The following NIPA2 variants were observed in gnomAD, a reference collection of about 807,000 sequenced individuals.
NIPA2 encodes the protein NIPA magnesium transporter 2.
In NIPA2, 11 loss-of-function variants were observed where a neutral mutation model predicts 29.7. The observed-to-expected ratio is 0.37, with a 90% CI of 0.23 to 0.61. The LOEUF is 0.61. Ranked by LOEUF, NIPA2 falls within the 20% of genes least tolerant of loss-of-function variation. NIPA2 has a pLI of 0.66. For synonymous variants in NIPA2, 183 were observed against 161.9 expected, an observed-to-expected ratio of 1.13 and a Z score of -0.99; for missense variants, 426 against 437.9, an observed-to-expected ratio of 0.97 and a Z score of 0.24.
intron 5 of NIPA2, among the ~76,000 whole-genome samples, chr15:22,857,454 AAG>A (rs1491070364): frequency 6.6e-6 from 1 of 151,426 alleles, no homozygotes; most frequent in Non-Finnish European, 1.5e-5. Flanking sequence ...AAAAAAAAAA[AAG>A]TTTTATCAGA....
intron 7 of NIPA2, among the ~76,000 whole-genome samples, chr15:22,862,368 G>A (rs1397135536): frequency 6.6e-6 from 1 of 152,064 alleles, no homozygotes; most frequent in East Asian, 1.9e-4. Context: ...ATTTATGTCT[G>A]ACTCTTGGGA....
At chr15:22,865,465 G>C (rs569111815) in intron 7 of NIPA2, among the ~76,000 whole-genome samples, 3 of 150,440 alleles carry the variant, frequency 2.0e-5, no homozygotes, top group Admixed American at 6.7e-5. Context: ...CAGCCTGGGC[G>C]ACAGAGCAAG....
At chr15:22,842,485 C>T (rs560734899) in intron 2 of NIPA2, among the ~76,000 whole-genome samples, 4 of 151,326 alleles carry the variant, frequency 2.6e-5, no homozygotes, top group Non-Finnish European at 5.9e-5. Context: ...GTCAGGAGAT[C>T]GAGACCATCC....
chr15:22,844,963 T>G (rs1364995116), intron 2 of NIPA2, among the ~76,000 whole-genome samples, 183 bp from the exon 3 acceptor site: 1 of 152,212 alleles, frequency 6.6e-6, no homozygotes, highest in South Asian at 2.1e-4. Flanking sequence ...GCTCAGTGTT[T>G]GTTGAGCAAT....
At chr15:22,853,295 A>C in intron 5 of NIPA2, 27 bp downstream of exon 5, 2 of 1,458,774 alleles carry the variant, frequency 1.4e-6, no homozygotes, top group Non-Finnish European at 9.6e-7. Context: ...TTGCAAGAAA[A>C]ATATGATAGC....
At chr15:22,863,272 CAG>C (rs2058746536) in intron 7 of NIPA2, among the ~76,000 whole-genome samples, 2 of 151,914 alleles carry the variant, frequency 1.3e-5, no homozygotes, top group South Asian at 2.1e-4. Context: ...TTGGTAGAGA[CAG>C]GGTTTTGTCA....
At chr15:22,843,703 T>G (rs1206151915) in intron 2 of NIPA2, among the ~76,000 whole-genome samples, 2 of 151,476 alleles carry the variant, frequency 1.3e-5, no homozygotes, top group Non-Finnish European at 2.9e-5. Flanking sequence ...CAGGCTGGAG[T>G]GCAGTGGTGC....
rs1321344933 is a variant in NIPA2, at chr15:22,860,841, T to A, written c.448+52T>A. ...CTGTATTTTACTTTTTAACTTAGTT[T>A]TTACTTTAATCGAAATTTGATGAGC... is the stretch of plus-strand genomic sequence containing the variant. On this transcript the variant is annotated intron_variant, in intron 7 of 7. Coordinates refer to ENST00000337451, the MANE Select transcript of NIPA2 (RefSeq NM_030922.7). 7 of 1,402,452 alleles carry A rather than the reference T, an allele frequency of 5.0e-6. No homozygotes were observed. The East Asian group carries it at 1.7e-4, about 34-fold the overall frequency. 86.9% of individuals were successfully genotyped at this position (1,402,452 alleles called of 1,614,324 possible).
intron 2 of NIPA2, among the ~76,000 whole-genome samples, chr15:22,842,706 G>C (rs1169367147): frequency 1.3e-5 from 2 of 152,266 alleles, no homozygotes; most frequent in African/African-American, 4.8e-5. Context: ...GCAGGCACCT[G>C]TAATCCCAGA....
At chr15:22,849,003 C>A (rs1595306840) in intron 3 of NIPA2, among the ~76,000 whole-genome samples, 2 of 152,156 alleles carry the variant, frequency 1.3e-5, no homozygotes, top group Admixed American at 1.3e-4. Flanking sequence ...CTGATAAACA[C>A]AGATCAACAA....
At chr15:22,841,922 TTCTC>T (rs1204616364) in intron 2 of NIPA2, among the ~76,000 whole-genome samples, 5 of 152,152 alleles carry the variant, frequency 3.3e-5, no homozygotes, top group Admixed American at 6.5e-5. Context: ...CTGCACTTGC[TTCTC>T]TCTCCTTTGT....
chr15:22,841,760 A>G (rs939500395), intron 2 of NIPA2, among the ~76,000 whole-genome samples: 4 of 149,638 alleles, frequency 2.7e-5, no homozygotes, highest in African/African-American at 9.9e-5. Flanking sequence ...ACCCGCCTCG[A>G]CCTCCCAAAG....
chr15:22,867,050 G>T lies in NIPA2; in HGVS notation c.*203G>T. ...CACTAAAATGACCTCAGCACATGAC[G>T]ATTTCTATTAACATTTTATTGTTGT... On this transcript the variant is annotated 3_prime_UTR_variant, in exon 8 of 8. Transcript: ENST00000337451. The T allele has an allele frequency of 3.8e-6, 2 of 523,450 alleles. No homozygotes were observed. The highest frequency in any genetic ancestry group is 3.4e-5 in the South Asian group (1 of 29,548). 32.4% of individuals were successfully genotyped at this position (523,450 alleles called of 1,614,324 possible).
In NIPA2 at chr15:22,838,685, C is replaced by G. The variant is rs1034902444; in HGVS notation, c.-588C>G. The G allele has an allele frequency of 1.3e-5, 2 of 152,472 alleles. No individual in the cohort carries two copies. The highest frequency in any genetic ancestry group is 2.4e-5 in the African/African-American group (1 of 41,444). The allele number at this position is 152,472 out of a possible 1,614,324, so 9.4% of individuals were successfully genotyped here. On this transcript the variant is annotated 5_prime_UTR_variant, in exon 1 of 8. Coordinates refer to ENST00000337451, the MANE Select transcript of NIPA2 (RefSeq NM_030922.7). ...GTTTTCCGGCGCCGGCCCTAGGTCC[C>G]GGCAGCGGTGGTGACGGCGGTGCCG...
intron 2 of NIPA2, among the ~76,000 whole-genome samples, chr15:22,841,543 T>C (rs564042484): frequency 2.6e-4 from 40 of 152,238 alleles, no homozygotes; most frequent in African/African-American, 8.9e-4. Flanking sequence ...AGTTTTGCTC[T>C]TGTTGCCCAG....
chr15:22,853,028 G>A (rs1321260052), intron 4 of NIPA2, among the ~76,000 whole-genome samples, 184 bp from the exon 5 acceptor site: 1 of 152,124 alleles, frequency 6.6e-6, no homozygotes, highest in Non-Finnish European at 1.5e-5. Context: ...GGGTATGCTT[G>A]TAAAGGATTC....
chr15:22,861,788 G>A (rs1262123700), intron 7 of NIPA2, among the ~76,000 whole-genome samples: 1 of 152,092 alleles, frequency 6.6e-6, no homozygotes, highest in African/African-American at 2.4e-5. Flanking sequence ...AGGCTGGAAT[G>A]CAGTGATGTG....
At chr15:22,863,179 A>G (rs907479893) in intron 7 of NIPA2, among the ~76,000 whole-genome samples, 1 of 151,666 alleles carries the variant, frequency 6.6e-6, no homozygotes, top group African/African-American at 2.4e-5. Context: ...CCTGGGTTCA[A>G]GTGATTCTCC....
chr15:22,852,433 C>T (rs2057825733), intron 4 of NIPA2, among the ~76,000 whole-genome samples: 1 of 148,502 alleles, frequency 6.7e-6, no homozygotes, highest in Non-Finnish European at 1.5e-5. Flanking sequence ...GGCACCACTG[C>T]ACTCCAGCCT....
Sources: gnomAD v4.1 joint callset for allele counts (sites outside exome capture counted in the v4.1 genomes callset) on GRCh38, gnomAD v4.1.1 for gene constraint, MANE v1.5 for transcripts, NCBI Gene and HGNC (gene_info 2026-07-23, HGNC 2026-07-21) for gene names.